ATP6V0A2: variants seen among roughly 807,000 people sequenced by gnomAD.
ATP6V0A2 encodes V-type proton ATPase 116 kDa subunit a 2.
In ATP6V0A2, 58 loss-of-function variants were observed where a neutral mutation model predicts 104.4. The observed-to-expected ratio is 0.56, with a 90% CI of 0.45 to 0.69. ATP6V0A2 has a LOEUF of 0.69. Among genes scored for constraint, ATP6V0A2 ranks in the 30% least tolerant of loss-of-function variants. The pLI is 0.00. For synonymous variants in ATP6V0A2, 376 were observed against 397.9 expected (o/e 0.95, Z 0.65); for missense variants, 938 against 1,062.9 (o/e 0.88, Z 1.63).
At chr12:123,734,050 T>G (rs374044270) in intron 7 of ATP6V0A2, 42 bp downstream of exon 7, 439 of 1,494,756 alleles carry the variant, frequency 2.9e-4, no homozygotes, top group Non-Finnish European at 3.8e-4. Context: ...GTCTTTATAT[T>G]CAGTCACCTC....
rs149092701 is a variant in ATP6V0A2 at position 123,744,581 on chromosome 12, G to A, written c.1327-16G>A. ...CCTCCAGTAACCATATTCTGCCCCC[G>A]CCTTGCCCTTCACAGATCATGAGGA... On this transcript the variant is annotated splice_polypyrimidine_tract_variant and intron_variant, in intron 11 of 19. Transcript: ENST00000330342. This position sits in a 1 kb window ranked among gnomAD's most constrained non-coding sequence, Gnocchi z 5.4. 419 of 1,612,428 alleles carry A rather than the reference G, an allele frequency of 2.6e-4. No homozygotes were observed. In the East Asian group the frequency reaches 6.3e-3, roughly 24 times the overall value.
In ATP6V0A2 at chr12:123,734,511, A is replaced by G. The variant is rs1030836002; in HGVS notation, c.731+503A>G. 3.3e-5 allele frequency among the ~76,000 whole-genome samples: 5 copies of G among 152,204 alleles called. No homozygotes were observed. In the East Asian group the frequency reaches 9.6e-4, roughly 29 times the overall value. ...AAGCCTCAGTTTCTTCATCTGTAAA[A>G]GGGGAGAGTGATTGCTTTCTTATAG... On this transcript the variant is annotated intron_variant, in intron 7 of 19. Transcript: ENST00000330342.
Position 123,737,197 on chromosome 12 carries a change from A to AAGTG in ATP6V0A2, c.965_968dup (p.Cys323Ter). 1 of 1,614,138 alleles carries AAGTG rather than the reference A, an allele frequency of 6.2e-7. No individual in the cohort carries two copies. The highest frequency in any genetic ancestry group is 8.5e-7 in the Non-Finnish European group (1 of 1,180,032). ...CATGTGCAGCTTTGACGTGACCAAC[A>AAGTG]AGTGCCTCATTGCTGAGGTCTGGTG... On this transcript the variant is annotated stop_gained and frameshift_variant, in exon 9 of 20. Transcript: ENST00000330342. LOFTEE classifies it high-confidence loss of function.
At chr12:123,756,534 G>A (rs1032241462) in intron 18 of ATP6V0A2, 5 of 433,194 alleles carry the variant, frequency 1.2e-5, no homozygotes, top group Admixed American at 3.7e-5. Context: ...GGTCCAGTGC[G>A]CTTTGGGAGG....
At chr12:123,736,966 T>A in intron 8 of ATP6V0A2, 93 bp from the exon 9 acceptor site, 1 of 1,234,462 alleles carries the variant, frequency 8.1e-7, no homozygotes, top group South Asian at 1.2e-5. Flanking sequence ...CCTCTGTCAA[T>A]GGGGAGAAAG....
At position 123,744,024 on chromosome 12, in the gene ATP6V0A2, G is replaced by T. The variant is rs183226730; in HGVS notation, c.1189+89G>T. 6,774 of 1,574,848 alleles carry T rather than the reference G, an allele frequency of 4.3e-3. 20 individuals carry two copies. The highest frequency in any genetic ancestry group is 7.3e-3 in the Middle Eastern group (44 of 5,998). Reference sequence around the variant, plus strand: ...ATGGAATAGATATTTGGAAAGAGAGGCTGACCATTACTTTTTTGCTATCTT... The same window carrying T: ...ATGGAATAGATATTTGGAAAGAGAGTCTGACCATTACTTTTTTGCTATCTT... On this transcript the variant is annotated intron_variant, in intron 10 of 19. Coordinates refer to ENST00000330342, the MANE Select transcript of ATP6V0A2 (RefSeq NM_012463.4). This position sits in a 1 kb window ranked among gnomAD's most constrained non-coding sequence, Gnocchi z 5.4.
intron 4 of ATP6V0A2, among the ~76,000 whole-genome samples, chr12:123,725,793 T>TA (rs34221363): frequency 1.6e-3 from 187 of 117,866 alleles, no homozygotes; most frequent in African/African-American, 3.0e-3. Flanking sequence ...ACCCTGTATC[T>TA]AAAAAAAAAA....
At chr12:123,737,448 T>C in intron 9 of ATP6V0A2, 177 bp downstream of exon 9, 1 of 697,490 alleles carries the variant, frequency 1.4e-6, no homozygotes, top group South Asian at 1.7e-5. Context: ...GGGGTTTTGC[T>C]GTGTTGCCCA....
chr12:123,754,366 G>GA (rs1566293099), intron 17 of ATP6V0A2, 54 bp from the exon 18 acceptor site: 9 of 1,340,610 alleles, frequency 6.7e-6, no homozygotes, highest in Admixed American at 1.7e-5. Flanking sequence ...TTGGCATGTA[G>GA]AAGTACACAT....
intron 13 of ATP6V0A2, among the ~76,000 whole-genome samples, chr12:123,746,598 A>G (rs939921863): frequency 1.5e-5 from 2 of 137,358 alleles, no homozygotes; most frequent in Non-Finnish European, 3.0e-5. Flanking sequence ...TGATTGCTCC[A>G]CTGTACTCTA....
In ATP6V0A2 at chr12:123,724,650, T is replaced by A. The variant is rs1956431314; in HGVS notation, c.295-4T>A. On this transcript the variant is annotated splice_polypyrimidine_tract_variant and splice_region_variant and intron_variant, in intron 3 of 19. Transcript: ENST00000330342. ...CCTCTTAAGTAACCATTGTTTTGTT[T>A]TAGGAGCAGTTGCAGAAGCTCGAGG... 1.9e-6 allele frequency: 3 copies of A among 1,613,772 alleles called. No individual in the cohort carries two copies. Among genetic ancestry groups the A allele is most frequent in the Non-Finnish European group, 2.5e-6 (3 of 1,179,788 alleles).
At chr12:123,719,901 A>G (rs1379227713) in intron 2 of ATP6V0A2, among the ~76,000 whole-genome samples, 1 of 151,910 alleles carries the variant, frequency 6.6e-6, no homozygotes, top group East Asian at 1.9e-4. Context: ...AAAGGTCACA[A>G]GGTGATACAT....
Position 123,717,845 on chromosome 12 carries a change from T to C in ATP6V0A2, c.118-778T>C, listed in dbSNP as rs548987331. Among the ~76,000 whole-genome samples, 83 of 152,326 alleles carry C rather than the reference T, an allele frequency of 5.4e-4. 1 individual carries two copies. In the South Asian group the frequency reaches 0.017, roughly 31 times the overall value. ...TTTTTCCCTGAGATTGATGTTGTCA[T>C]AGATTTTCATCTGTTTCCATAGCTT... is the stretch of plus-strand genomic sequence containing the variant. On this transcript the variant is annotated intron_variant, in intron 1 of 19. Coordinates refer to ENST00000330342, the MANE Select transcript of ATP6V0A2 (RefSeq NM_012463.4).
At chr12:123,747,263 C>T (rs777526849) in intron 13 of ATP6V0A2, among the ~76,000 whole-genome samples, 2 of 152,188 alleles carry the variant, frequency 1.3e-5, no homozygotes, top group African/African-American at 4.8e-5. Flanking sequence ...GGGGACATAA[C>T]CCAGGACCTT....
intron 18 of ATP6V0A2, 173 bp from the exon 19 acceptor site, chr12:123,756,642 C>T (rs572122953): frequency 2.3e-5 from 15 of 648,300 alleles, no homozygotes; most frequent in South Asian, 2.3e-4. Context: ...GAGACCGTCT[C>T]GGAGCTGACT....
Position 123,761,477 on chromosome 12 carries a change from A to T in ATP6V0A2, c.*3445A>T, listed in dbSNP as rs1239222873. ...GATGGGAATAAGGCAGTTTGAACGA[A>T]CAGTCTTCCCACAGTCAGGCCATTT... On this transcript the variant is annotated 3_prime_UTR_variant, in exon 20 of 20. Transcript: ENST00000330342. 1 of 152,232 alleles carries T rather than the reference A, an allele frequency of 6.6e-6. No individual in the cohort carries two copies. Among genetic ancestry groups the T allele is most frequent in the African/African-American group, 2.4e-5 (1 of 41,450 alleles). The allele number at this position is 152,232 out of a possible 1,614,324, so 9.4% of individuals were successfully genotyped here.
Position 123,743,675 on chromosome 12 carries a change from A to C in ATP6V0A2, c.1039-110A>C, listed in dbSNP as rs113442258. The C allele has an allele frequency of 2.3e-3, 2,975 of 1,275,810 alleles. 53 individuals are homozygous for C. In the African/African-American group the frequency reaches 0.035, roughly 15 times the overall value. 79.0% of individuals were successfully genotyped at this position (1,275,810 alleles called of 1,614,324 possible). On this transcript the variant is annotated intron_variant, in intron 9 of 19. Coordinates refer to ENST00000330342, the MANE Select transcript of ATP6V0A2 (RefSeq NM_012463.4). ...TCTCAAAAAAAAACAAAACAAAACA[A>C]CACCACCAAAAAAAACCAAAAAACA...
At chr12:123,736,966 TG>T in intron 8 of ATP6V0A2, 92 bp from the exon 9 acceptor site, 2 of 1,234,460 alleles carry the variant, frequency 1.6e-6, no homozygotes, top group Admixed American at 1.7e-5. Context: ...CCTCTGTCAA[TG>T]GGGAGAAAGT....
intron 3 of ATP6V0A2, 41 bp downstream of exon 3, chr12:123,722,489 TG>T (rs1338255593): frequency 4.4e-6 from 5 of 1,142,436 alleles, no homozygotes; most frequent in Non-Finnish European, 6.7e-6. Flanking sequence ...CCATTGATCT[TG>T]GGGGCTGCTT....
Sources: gnomAD v4.1 joint callset for allele counts (sites outside exome capture counted in the v4.1 genomes callset) on GRCh38, gnomAD v4.1.1 for gene constraint, Gnocchi (gnomAD v3.1) non-coding constraint, MANE v1.5 for transcripts, NCBI Gene and HGNC (gene_info 2026-07-23, HGNC 2026-07-21) for gene names.